Variants in FHAD1 observed in about 807,000 individuals in gnomAD.
FHAD1 encodes forkhead associated phosphopeptide binding domain 1, also known as forkhead-associated domain-containing protein 1.
Under a neutral mutation model 191.3 loss-of-function variants are expected in FHAD1, and 146 were observed. The ratio of observed to expected loss-of-function variants is 0.76; its 90% CI spans 0.67 to 0.88. The LOEUF (loss-of-function observed/expected upper bound fraction) is 0.88. Ranked by LOEUF, FHAD1 falls within the 40% of genes least tolerant of loss-of-function variation. FHAD1 has a pLI of 0.00. For synonymous variants in FHAD1, 616 were observed against 672.3 expected, an observed-to-expected ratio of 0.92 and a Z score of 1.29; for missense variants, 1,635 against 1,785.8, an observed-to-expected ratio of 0.92 and a Z score of 1.52.
At chr1:15,244,999 A>G (rs972937136), upstream of FHAD1, among the ~76,000 whole-genome samples, 15 of 152,210 alleles carry the variant, frequency 9.9e-5, no homozygotes, top group African/African-American at 3.4e-4. This position sits in a 1 kb window ranked among gnomAD's most constrained non-coding sequence, Gnocchi z 5.1. Flanking sequence ...TAGCGCCTGC[A>G]TGTGCAGAGA....
intron 33 of FHAD1, among the ~76,000 whole-genome samples, chr1:15,395,143 CT>C (rs1025389657): frequency 3.9e-5 from 6 of 151,982 alleles, no homozygotes; most frequent in Admixed American, 6.6e-5. Flanking sequence ...GAAACCCCAT[CT>C]CTACAAAAAA....
Position 15,369,490 on chromosome 1 carries a change from C to T in FHAD1, c.3435C>T (p.Ser1145=). The change falls in exon 26 of 34, where the codon TCC becomes TCT. Residue 1145 remains serine, a synonymous_variant. Coordinates refer to ENST00000688493, the MANE Select transcript of FHAD1 (RefSeq NM_001391957.1). ...QIEPVHTEAF[S]SSQEQQSFSD... The stretch of plus-strand genomic sequence containing the variant: ...AACCCGTCCACACTGAGGCCTTCTC[C>T]AGCAGCCAAGAGGTGAGTGCCACCC... 1 of 1,551,702 alleles carries T rather than the reference C, an allele frequency of 6.4e-7. No individual in the cohort carries two copies. The highest frequency in any genetic ancestry group is 8.7e-7 in the Non-Finnish European group (1 of 1,147,002).
At chr1:15,368,473 A>C (rs1482126570) in intron 25 of FHAD1, among the ~76,000 whole-genome samples, 1 of 152,170 alleles carries the variant, frequency 6.6e-6, no homozygotes, top group Non-Finnish European at 1.5e-5. Flanking sequence ...CGTGAGTTGC[A>C]TTTTTACCCT....
At chr1:15,394,255 G>A (rs2103168547) in intron 33 of FHAD1, among the ~76,000 whole-genome samples, 1 of 152,294 alleles carries the variant, frequency 6.6e-6, no homozygotes, top group East Asian at 1.9e-4. Flanking sequence ...TGGCAGCCCT[G>A]GGGCTGGAGA....
rs75783416 is a variant in FHAD1 at position 15,302,263 on chromosome 1, G to A, written c.915+822G>A. Among the ~76,000 whole-genome samples, 21 of 152,302 alleles carry A rather than the reference G, an allele frequency of 1.4e-4. No homozygotes were observed. The East Asian group carries it at 4.0e-3, about 29-fold the overall frequency. On this transcript the variant is annotated intron_variant, in intron 6 of 33. Coordinates refer to ENST00000688493, the MANE Select transcript of FHAD1 (RefSeq NM_001391957.1). ...GCTAAGTGGGGAGAAGGAACTGCCC[G>A]GTGTTCCAAACACAGAGGCCTTTAC...
At chr1:15,299,431 G>A (rs532884529) in intron 5 of FHAD1, among the ~76,000 whole-genome samples, 1 of 152,254 alleles carries the variant, frequency 6.6e-6, no homozygotes, top group South Asian at 2.1e-4. Context: ...ACAAACTGAA[G>A]TCTGTAAGTT....
intron 32 of FHAD1, among the ~76,000 whole-genome samples, chr1:15,389,392 G>C (rs1389686775): frequency 7.4e-6 from 1 of 135,636 alleles, no homozygotes; most frequent in African/African-American, 3.0e-5. Context: ...GTTGCGATGA[G>C]CCACATAAGC....
rs1558226257 is a variant in FHAD1, at chr1:15,360,657, T to C, written c.2916T>C (p.His972=). ...EEKLQKVTQH[H]KKIEGEIATL... Reference sequence around the variant, plus strand: ...AACTCCAGAAAGTCACTCAGCACCATAAAAAAATAGAAGGCGAGATTGCAA... The same window carrying C: ...AACTCCAGAAAGTCACTCAGCACCACAAAAAAATAGAAGGCGAGATTGCAA... Residue 972 remains histidine (H), a synonymous_variant, in exon 22 of 34, where the codon CAT becomes CAC. Coordinates refer to ENST00000688493, the MANE Select transcript of FHAD1 (RefSeq NM_001391957.1). 20 of 1,551,376 alleles carry C rather than the reference T, an allele frequency of 1.3e-5. No individual in the cohort carries two copies. In the South Asian group the frequency reaches 1.7e-4, roughly 13 times the overall value.
chr1:15,302,478 C>T (rs1433072207), intron 6 of FHAD1, among the ~76,000 whole-genome samples: 6 of 152,262 alleles, frequency 3.9e-5, no homozygotes, highest in East Asian at 3.9e-4. Flanking sequence ...GTAATCCCAG[C>T]GCTTCGGGAG....
chr1:15,328,532 G>C, intron 13 of FHAD1, 103 bp downstream of exon 13: 2 of 1,005,012 alleles, frequency 2.0e-6, no homozygotes, highest in Non-Finnish European at 2.7e-6. Context: ...GGGCAGAAAT[G>C]CTTGGCTTTT....
chr1:15,262,472 A>G (rs1424782598), intron 2 of FHAD1, among the ~76,000 whole-genome samples: 1 of 152,142 alleles, frequency 6.6e-6, no homozygotes, highest in African/African-American at 2.4e-5. Context: ...AGGTCTCACT[A>G]TGTTTCCAGG....
At position 15,313,168 on chromosome 1, in the gene FHAD1, T is replaced by C; in HGVS notation, c.1151T>C (p.Leu384Pro). 2 of 1,551,964 alleles carry C rather than the reference T, an allele frequency of 1.3e-6. No individual in the cohort carries two copies. The highest frequency in any genetic ancestry group is 1.7e-6 in the Non-Finnish European group (2 of 1,147,044). Reference sequence around the variant, plus strand: ...CAGAACAAGGACAAGGACCACCAGCTGGAAGCCCTTGGCTCTAGAGTGAGT... The same window carrying C: ...CAGAACAAGGACAAGGACCACCAGCCGGAAGCCCTTGGCTCTAGAGTGAGT... ...KSQNKDKDHQ[L>P]EALGSRCSVL... is the part of the protein sequence containing the mutation. The change falls in exon 8 of 34, where the codon CTG becomes CCG. Residue 384 changes from leucine (L) to proline (P), a missense_variant. Leu to Pro is a moderately conservative substitution (Grantham distance 98). Coordinates refer to ENST00000688493, the MANE Select transcript of FHAD1 (RefSeq NM_001391957.1).
chr1:15,280,063 T>A (rs1205018092), intron 3 of FHAD1, among the ~76,000 whole-genome samples: 1 of 152,062 alleles, frequency 6.6e-6, no homozygotes, highest in African/African-American at 2.4e-5. Context: ...CTCCTCGGTG[T>A]ATGATGAGAA....
intron 18 of FHAD1, among the ~76,000 whole-genome samples, chr1:15,347,772 C>G (rs60687545): frequency 6.6e-6 from 1 of 152,182 alleles, no homozygotes; most frequent in Non-Finnish European, 1.5e-5. Flanking sequence ...ATTAGATCTT[C>G]CGCCACATCA....
chr1:15,374,397 C>A, intron 26 of FHAD1, 105 bp from the exon 27 acceptor site: 2 of 1,383,420 alleles, frequency 1.4e-6, no homozygotes, highest in Non-Finnish European at 2.0e-6. Flanking sequence ...TCCAAAGGTG[C>A]TAAGTGACTG....
upstream of FHAD1, among the ~76,000 whole-genome samples, chr1:15,242,231 TAAAAAA>T (rs36173259): frequency 1.6e-5 from 2 of 122,558 alleles, no homozygotes; most frequent in Non-Finnish European, 1.7e-5. Flanking sequence ...AGACTCCATC[TAAAAAA>T]AAAAAAAAAA....
chr1:15,374,897 C>A (rs1699186622), intron 27 of FHAD1, among the ~76,000 whole-genome samples: 1 of 140,544 alleles, frequency 7.1e-6, no homozygotes, highest in Non-Finnish European at 1.5e-5. Context: ...CTCGCTCTGT[C>A]ACCCAGCCTG....
At chr1:15,305,457 G>A (rs574875553) in intron 6 of FHAD1, among the ~76,000 whole-genome samples, 5 of 152,100 alleles carry the variant, frequency 3.3e-5, no homozygotes, top group African/African-American at 4.8e-5. Flanking sequence ...GATTTGGATC[G>A]TAACTCTACC....
chr1:15,402,563 T>G (rs1394645988), downstream of FHAD1, among the ~76,000 whole-genome samples: 2 of 152,144 alleles, frequency 1.3e-5, no homozygotes, highest in Non-Finnish European at 2.9e-5. Context: ...CTTTCATCAG[T>G]TGAAATATAA....
Sources: allele counts gnomAD v4.1 joint callset (sites outside exome capture counted in the v4.1 genomes callset), GRCh38; gene constraint gnomAD v4.1.1; non-coding constraint Gnocchi (gnomAD v3.1); transcripts MANE v1.5; gene names NCBI Gene and HGNC (gene_info 2026-07-23, HGNC 2026-07-21).